SLC13A1: variants seen among roughly 807,000 people sequenced by gnomAD.
The protein encoded by SLC13A1 is solute carrier family 13 member 1.
SLC13A1 carries 65 observed loss-of-function variants against 70.0 expected under a neutral mutation model. That is an observed-to-expected ratio of 0.93 (90% CI 0.76 to 1.14). The LOEUF is 1.14. Ranked by LOEUF, SLC13A1 falls within the 50% of genes most tolerant of loss-of-function variation. The pLI is 0.00. For synonymous variants in SLC13A1, 275 were observed against 250.5 expected, an observed-to-expected ratio of 1.10 and a Z score of -0.92; for missense variants, 726 against 717.8, an observed-to-expected ratio of 1.01 and a Z score of -0.13.
intron 6 of SLC13A1, among the ~76,000 whole-genome samples, chr7:123,154,951 T>A (rs1794665183): frequency 6.6e-6 from 1 of 152,148 alleles, no homozygotes; most frequent in Admixed American, 6.6e-5. Flanking sequence ...TTACTTAGAA[T>A]TTTGAAGGCA....
chr7:123,193,290 A>G (rs1796060308), intron 1 of SLC13A1, among the ~76,000 whole-genome samples: 1 of 149,902 alleles, frequency 6.7e-6, no homozygotes, highest in Non-Finnish European at 1.5e-5. Context: ...CTTTTTAAAA[A>G]GAGCCTTGCT....
intron 9 of SLC13A1, 73 bp downstream of exon 9, chr7:123,129,310 C>A: frequency 8.3e-7 from 1 of 1,210,700 alleles, no homozygotes; most frequent in Non-Finnish European, 1.2e-6. Context: ...GTGTAAACAG[C>A]ATTTCTCTCT....
At position 123,199,361 on chromosome 7, in the gene SLC13A1, C is replaced by T. The variant is rs184528105; in HGVS notation, c.99+487G>A. On this transcript the variant is annotated intron_variant, in intron 1 of 14. Coordinates refer to ENST00000194130, the MANE Select transcript of SLC13A1 (RefSeq NM_022444.4). ...CTCTAAGCTTTCAATGTCTTCTTTTCCTACAAGGGAACTAAATTTCCAGGA... is the reference window on the plus strand; with the variant it reads ...CTCTAAGCTTTCAATGTCTTCTTTTTCTACAAGGGAACTAAATTTCCAGGA... Among the ~76,000 whole-genome samples the T allele has an allele frequency of 6.0e-4, 91 of 152,158 alleles. 3 individuals carry two copies. The East Asian group carries it at 0.017, about 28-fold the overall frequency.
intron 10 of SLC13A1, among the ~76,000 whole-genome samples, chr7:123,125,881 T>C (rs1793541719): frequency 6.6e-6 from 1 of 152,210 alleles, no homozygotes; most frequent in Non-Finnish European, 1.5e-5. Context: ...GACCATAGTC[T>C]TATTGTTCCC....
chr7:123,116,809 A>G (rs1468500968), intron 14 of SLC13A1, among the ~76,000 whole-genome samples: 3 of 152,148 alleles, frequency 2.0e-5, no homozygotes, highest in African/African-American at 7.2e-5. Flanking sequence ...TACTTTGGCT[A>G]TATTATCATT....
In SLC13A1 at chr7:123,131,617, A is replaced by G. The variant is rs1793763334; in HGVS notation, c.933-2136T>C. On this transcript the variant is annotated intron_variant, in intron 8 of 14. Coordinates refer to ENST00000194130, the MANE Select transcript of SLC13A1 (RefSeq NM_022444.4). ...TGAGTTAACTGTGTTAATACCCAAC[A>G]TACTAATCAGAATGTATGCTAGTTT... is the stretch of plus-strand genomic sequence containing the variant. Among the ~76,000 whole-genome samples the G allele has an allele frequency of 2.0e-5, 3 of 152,224 alleles. No individual in the cohort carries two copies. In the East Asian group the frequency reaches 5.8e-4, roughly 29 times the overall value.
At chr7:123,140,801 TG>T (rs2116376965) in intron 7 of SLC13A1, among the ~76,000 whole-genome samples, 1 of 152,212 alleles carries the variant, frequency 6.6e-6, no homozygotes, top group South Asian at 2.1e-4. Flanking sequence ...TTTAAATATT[TG>T]GATCTTTTCT....
intron 6 of SLC13A1, among the ~76,000 whole-genome samples, chr7:123,159,327 A>G (rs2116487593): frequency 6.6e-6 from 1 of 152,330 alleles, no homozygotes; most frequent in East Asian, 1.9e-4. Flanking sequence ...TAAACAAAGA[A>G]GGATGCCTAA....
chr7:123,196,904 T>C (rs779564122), intron 1 of SLC13A1, among the ~76,000 whole-genome samples: 16 of 152,276 alleles, frequency 1.1e-4, no homozygotes, highest in Non-Finnish European at 1.9e-4. Flanking sequence ...GGATCCAAGC[T>C]CAAATTTACT....
At chr7:123,148,684 G>A (rs1794450518) in intron 6 of SLC13A1, 1 of 264,488 alleles carries the variant, frequency 3.8e-6, no homozygotes, top group Non-Finnish European at 7.5e-6. Context: ...TAGTTAAACA[G>A]TGCCCTATTT....
intron 4 of SLC13A1, 139 bp from the exon 5 acceptor site, chr7:123,168,700 T>C (rs1795154738): frequency 1.6e-6 from 1 of 625,082 alleles, no homozygotes; most frequent in Non-Finnish European, 2.7e-6. Flanking sequence ...ACAGTCATCT[T>C]ATTTTATAAA....
At chr7:123,181,328 C>T (rs1193820801) in intron 1 of SLC13A1, among the ~76,000 whole-genome samples, 1 of 152,104 alleles carries the variant, frequency 6.6e-6, no homozygotes, top group Non-Finnish European at 1.5e-5. Context: ...CCATTCATTA[C>T]ATTTATTTCA....
intron 7 of SLC13A1, among the ~76,000 whole-genome samples, chr7:123,140,044 G>A (rs963660100): frequency 6.6e-6 from 1 of 151,866 alleles, no homozygotes; most frequent in African/African-American, 2.4e-5. Flanking sequence ...AATACTAGCT[G>A]TGGGTCTGTT....
intron 6 of SLC13A1, among the ~76,000 whole-genome samples, chr7:123,163,384 T>C (rs896078507): frequency 6.6e-6 from 1 of 152,074 alleles, no homozygotes; most frequent in Admixed American, 6.6e-5. Context: ...ATTTGGGCCA[T>C]GGCCTATAGT....
Position 123,115,296 on chromosome 7 carries a change from A to G in SLC13A1, c.*222T>C. The G allele has an allele frequency of 2.9e-6, 1 of 349,102 alleles. No homozygotes were observed. The highest frequency in any genetic ancestry group is 5.2e-6 in the Non-Finnish European group (1 of 192,758). 21.6% of individuals were successfully genotyped at this position (349,102 alleles called of 1,614,324 possible). ...TGGTTCATGAGCAAAATCTCAAAAC[A>G]TGGGCTTCTTGATGAAGGCACATAG... On this transcript the variant is annotated 3_prime_UTR_variant, in exon 15 of 15. Transcript: ENST00000194130.
At chr7:123,133,203 T>C (rs1793826143) in intron 8 of SLC13A1, among the ~76,000 whole-genome samples, 1 of 152,220 alleles carries the variant, frequency 6.6e-6, no homozygotes, top group African/African-American at 2.4e-5. Context: ...ATCTCTTATC[T>C]GGCCTCTGAG....
chr7:123,181,407 C>A (rs1171300510), intron 1 of SLC13A1, among the ~76,000 whole-genome samples: 1 of 152,142 alleles, frequency 6.6e-6, no homozygotes, highest in Non-Finnish European at 1.5e-5. Context: ...TGTTTCTACT[C>A]ACTTTCCTTT....
chr7:123,180,326 C>T (rs1795597442), intron 2 of SLC13A1, among the ~76,000 whole-genome samples: 1 of 152,136 alleles, frequency 6.6e-6, no homozygotes, highest in Non-Finnish European at 1.5e-5. Context: ...ATAAATTGCA[C>T]TGACTGGTAT....
chr7:123,147,395 A>C, intron 6 of SLC13A1, 85 bp from the exon 7 acceptor site: 1 of 1,461,402 alleles, frequency 6.8e-7, no homozygotes, highest in Non-Finnish European at 9.3e-7. Flanking sequence ...ACCCGCACCA[A>C]TTCATATGTT....
Sources: allele counts gnomAD v4.1 joint callset (sites outside exome capture counted in the v4.1 genomes callset), GRCh38; gene constraint gnomAD v4.1.1; transcripts MANE v1.5; gene names NCBI Gene and HGNC (gene_info 2026-07-23, HGNC 2026-07-21).